Variants in ANAPC2 observed in about 807,000 individuals in gnomAD.
ANAPC2 encodes the protein anaphase-promoting complex subunit 2.
Under a neutral mutation model 84.3 loss-of-function variants are expected in ANAPC2, and 29 were observed. The observed-to-expected ratio is 0.34, with a 90% CI of 0.26 to 0.47. The LOEUF is 0.47. Among genes scored for constraint, ANAPC2 ranks in the 20% least tolerant of loss-of-function variants. The probability of loss-of-function intolerance (pLI) is 1.00; values close to 1 mark genes in which losing one functional copy is unlikely to be tolerated. For synonymous variants in ANAPC2, 571 were observed against 479.4 expected (o/e 1.19, Z -2.50); for missense variants, 857 against 1,131.7 (o/e 0.76, Z 3.48).
Position 137,188,560 on chromosome 9 carries a change from C to A in ANAPC2, c.-28G>T, listed in dbSNP as rs1157575755. 6.3e-7 allele frequency: 1 copy of A among 1,591,544 alleles called. No individual in the cohort carries two copies. The highest frequency in any genetic ancestry group is 1.1e-5 in the South Asian group (1 of 89,012). Reference sequence around the variant, plus strand: ...GCACCCACCGACTCCGAGATTCGCTCGGCGCGGCGCGCGGCGATGACGCAC... The same window carrying A: ...GCACCCACCGACTCCGAGATTCGCTAGGCGCGGCGCGCGGCGATGACGCAC... On this transcript the variant is annotated 5_prime_UTR_variant, in exon 1 of 13. Transcript: ENST00000323927.
chr9:137,175,860 CG>C, intron 10 of ANAPC2, 23 bp from the exon 11 acceptor site: 1 of 1,583,964 alleles, frequency 6.3e-7, no homozygotes, highest in Non-Finnish European at 8.6e-7. Context: ...AGGGTCAGCA[CG>C]GGCAGCTCGG....
chr9:137,183,724 C>T lies in ANAPC2; in HGVS notation c.1116G>A (p.Gln372=), dbSNP rs755005999. ...CAGCCTTGAGGGACACGAGCAGCTG[C>T]TGCCTCTGGTCCGTCCTCTCCAGGC... ...KYCLERTDQR[Q]QLLVSLKAAL... Residue 372 remains glutamine, a synonymous_variant, in exon 5 of 13, where the codon CAG becomes CAA. Transcript: ENST00000323927. The T allele has an allele frequency of 6.2e-7, 1 of 1,613,098 alleles. No homozygotes were observed.
intron 10 of ANAPC2, 36 bp from the exon 11 acceptor site, chr9:137,175,873 T>A: frequency 6.4e-7 from 1 of 1,568,254 alleles, no homozygotes; most frequent in South Asian, 1.2e-5. Flanking sequence ...GCAGCTCGGC[T>A]GCAGGGCGCT....
chr9:137,183,495 A>G, intron 5 of ANAPC2, 177 bp downstream of exon 5: 1 of 1,016,066 alleles, frequency 9.8e-7, no homozygotes, highest in Non-Finnish European at 1.4e-6. Context: ...AAGAAGAAAC[A>G]AGCAAGCTGA....
At chr9:137,183,422 G>A in intron 5 of ANAPC2, 180 bp from the exon 6 acceptor site, 1 of 748,976 alleles carries the variant, frequency 1.3e-6, no homozygotes, top group Admixed American at 2.7e-5. Context: ...CTGCAGGGAG[G>A]TCTGTTCTGA....
chr9:137,188,351 G>T (rs991704075), intron 1 of ANAPC2, 65 bp downstream of exon 1: 2 of 1,519,740 alleles, frequency 1.3e-6, no homozygotes, highest in Non-Finnish European at 1.8e-6. Context: ...CGAGGGTAGC[G>T]GCCCCAAAGC....
Position 137,180,524 on chromosome 9 carries a change from C to A in ANAPC2, c.1614G>T (p.Glu538Asp). ...GCTTCAGCAGCTCCACGTTGCGGAT[C>A]TCCCTGGAAAGACGAGTGTCTGGGC... ...LHQFSFSPER[E>D]IRNVELLKLR... The change falls in exon 9 of 13, where the codon GAG (glutamate) becomes GAT (aspartate). Residue 538 changes from glutamate to aspartate, a missense_variant. Coordinates refer to ENST00000323927, the MANE Select transcript of ANAPC2 (RefSeq NM_013366.4). 6.2e-7 allele frequency: 1 copy of A among 1,613,028 alleles called. No individual in the cohort carries two copies. Among genetic ancestry groups the A allele is most frequent in the Non-Finnish European group, 8.5e-7 (1 of 1,179,922 alleles).
chr9:137,183,286 C>A (rs749186969), intron 5 of ANAPC2, 44 bp from the exon 6 acceptor site: 1 of 1,509,158 alleles, frequency 6.6e-7, no homozygotes, highest in Non-Finnish European at 9.2e-7. Context: ...TGCCCGGGAC[C>A]ACAGCCTCCC....
At chr9:137,176,027 A>G (rs1834202468) in intron 10 of ANAPC2, 190 bp from the exon 11 acceptor site, 1 of 623,952 alleles carries the variant, frequency 1.6e-6, no homozygotes, top group East Asian at 2.9e-5. Flanking sequence ...TGGAAGGGCA[A>G]TGGGGCCAGC....
At chr9:137,175,893 G>C (rs1234660369) in intron 10 of ANAPC2, 56 bp from the exon 11 acceptor site, 11 of 1,530,702 alleles carry the variant, frequency 7.2e-6, no homozygotes, top group Non-Finnish European at 9.7e-6. Context: ...TCAGGCCCGT[G>C]GGCTCTGCCA....
chr9:137,178,166 G>T (rs1174415746), intron 10 of ANAPC2, among the ~76,000 whole-genome samples: 1 of 152,240 alleles, frequency 6.6e-6, no homozygotes, highest in East Asian at 1.9e-4. Context: ...AGTGGAGTCA[G>T]TGGCTTGCTA....
intron 10 of ANAPC2, among the ~76,000 whole-genome samples, chr9:137,178,756 C>G (rs1307858180): frequency 6.6e-6 from 1 of 151,810 alleles, no homozygotes; most frequent in African/African-American, 2.4e-5. Context: ...TGGACTCTTC[C>G]AGAGCCAAGC....
chr9:137,188,367 C>T (rs763176176), intron 1 of ANAPC2, 49 bp downstream of exon 1: 87 of 1,564,956 alleles, frequency 5.6e-5, no homozygotes, highest in Admixed American at 5.4e-5. Flanking sequence ...AAAGCGCGTA[C>T]GGTCCCGGAA....
In ANAPC2 at chr9:137,184,994, G is replaced by A. The variant is rs775270889; in HGVS notation, c.967C>T (p.Arg323Cys). 2.7e-5 allele frequency: 43 copies of A among 1,609,988 alleles called. No homozygotes were observed. Among genetic ancestry groups the A allele is most frequent in the Non-Finnish European group, 2.6e-5 (31 of 1,178,834 alleles). ...AACCTTTGCACGTGGCAGCGCCAGC[G>A]GCGCAGGGTGTTGCCGGCCTCGGGA... ...ASPEAGNTLRRWRCHVQRFFY... is the reference protein window; with the variant it reads ...ASPEAGNTLRCWRCHVQRFFY... Residue 323 changes from arginine (R) to cysteine (C), a missense_variant, in exon 4 of 13, where the codon CGC becomes TGC. This residue lies in a region of ANAPC2 where 428 missense variants were observed against 513.8 expected (regional missense o/e 0.83). Coordinates refer to ENST00000323927, the MANE Select transcript of ANAPC2 (RefSeq NM_013366.4).
At chr9:137,175,550 C>T (rs573085301) in intron 11 of ANAPC2, 78 bp from the exon 12 acceptor site, 163 of 1,481,800 alleles carry the variant, frequency 1.1e-4, no homozygotes, top group South Asian at 1.9e-4. Context: ...GCCGAGAGGT[C>T]GGGGGGCTCC....
chr9:137,187,941 C>A lies in ANAPC2; in HGVS notation c.280G>T (p.Ala94Ser). 2 of 1,613,884 alleles carry A rather than the reference C, an allele frequency of 1.2e-6. No individual in the cohort carries two copies. The highest frequency in any genetic ancestry group is 2.7e-5 in the African/African-American group (2 of 75,058). Reference sequence around the variant, plus strand: ...GCAGAGTTCTCGCATTGGGAGATGGCATTCCAGAACTCAGGGGAGATGTTG... The same window carrying A: ...GCAGAGTTCTCGCATTGGGAGATGGAATTCCAGAACTCAGGGGAGATGTTG... ...QANISPEFWN[A>S]ISQCENSADE... is the part of the protein sequence containing the mutation. The change falls in exon 2 of 13, where the codon GCC (alanine) becomes TCC (serine). Residue 94 changes from alanine (A) to serine (S), a missense_variant. Around this residue, in one of 3 missense-constraint regions of ANAPC2, gnomAD observed 428 missense variants for 513.8 expected, o/e 0.83. Transcript: ENST00000323927.
rs1157738555 is a variant in ANAPC2 at position 137,184,895 on chromosome 9, G to A, written c.1048+18C>T. On this transcript the variant is annotated intron_variant, in intron 4 of 12. Transcript: ENST00000323927. Reference sequence around the variant, plus strand: ...TCCCCAGACGGGAGAGCGGACCCCAGGGCCGGGGCAGGACCACCTCGGACG... The same window carrying A: ...TCCCCAGACGGGAGAGCGGACCCCAAGGCCGGGGCAGGACCACCTCGGACG... 34 of 1,609,400 alleles carry A rather than the reference G, an allele frequency of 2.1e-5. No homozygotes were observed. The highest frequency in any genetic ancestry group is 2.7e-5 in the Non-Finnish European group (32 of 1,178,816).
At chr9:137,180,682 C>T (rs1834324861) in intron 8 of ANAPC2, 106 bp downstream of exon 8, 2 of 1,567,466 alleles carry the variant, frequency 1.3e-6, no homozygotes, top group Non-Finnish European at 8.6e-7. Flanking sequence ...GGGGCGGAAG[C>T]ACAGCTCCAA....
At chr9:137,182,699 G>T (rs1007116745) in intron 6 of ANAPC2, among the ~76,000 whole-genome samples, 1 of 152,142 alleles carries the variant, frequency 6.6e-6, no homozygotes, top group African/African-American at 2.4e-5. Flanking sequence ...CCATGTCAAG[G>T]TCCTCATCCC....
Sources: allele counts gnomAD v4.1 joint callset (sites outside exome capture counted in the v4.1 genomes callset), GRCh38; gene constraint gnomAD v4.1.1; regional missense constraint gnomAD v4.1.1; transcripts MANE v1.5; gene names NCBI Gene and HGNC (gene_info 2026-07-23, HGNC 2026-07-21).